The following EYA1 variants were observed in gnomAD, a reference collection of about 807,000 sequenced individuals.
The protein encoded by EYA1 is EYA transcriptional coactivator and phosphatase 1.
EYA1 carries 16 observed loss-of-function variants against 82.0 expected under a neutral mutation model. The ratio of observed to expected loss-of-function variants is 0.20; its 90% CI spans 0.13 to 0.30. The LOEUF is 0.30. Among genes scored for constraint, EYA1 ranks in the 10% least tolerant of loss-of-function variants. The pLI, the probability that EYA1 is intolerant of heterozygous loss-of-function variation, is 1.00. For missense variants in EYA1, 633 were observed against 730.7 expected, an observed-to-expected ratio of 0.87 and a Z score of 1.54; for synonymous variants, 261 against 264.4, an observed-to-expected ratio of 0.99 and a Z score of 0.12.
chr8:71,312,230 A>C (rs540829318), intron 7 of EYA1, among the ~76,000 whole-genome samples: 1 of 152,190 alleles, frequency 6.6e-6, no homozygotes, highest in Non-Finnish European at 1.5e-5. Context: ...CTTCAGAAAA[A>C]TTTAAAGACC....
At chr8:71,517,282 G>T (rs999298772) in intron 2 of EYA1, among the ~76,000 whole-genome samples, 1 of 151,786 alleles carries the variant, frequency 6.6e-6, no homozygotes, top group Non-Finnish European at 1.5e-5. Flanking sequence ...CTCCAAAAGC[G>T]CTCAGATTCA....
At chr8:71,279,186 C>T (rs1292066818) in intron 9 of EYA1, among the ~76,000 whole-genome samples, 1 of 152,172 alleles carries the variant, frequency 6.6e-6, no homozygotes, top group African/African-American at 2.4e-5. Flanking sequence ...TAATTATATT[C>T]TATTTGCCAT....
intron 4 of EYA1, among the ~76,000 whole-genome samples, chr8:71,332,539 C>T (rs147722561): frequency 1.1e-4 from 17 of 152,252 alleles, no homozygotes; most frequent in Non-Finnish European, 2.1e-4. Flanking sequence ...CCATTGCCAG[C>T]GCTTTATTTC....
chr8:71,333,195 G>A (rs2129046167), intron 4 of EYA1, among the ~76,000 whole-genome samples: 1 of 152,298 alleles, frequency 6.6e-6, no homozygotes, highest in East Asian at 1.9e-4. Context: ...AGAACAAATG[G>A]ATATTACACC....
At chr8:71,493,864 A>G (rs1235346368) in intron 2 of EYA1, among the ~76,000 whole-genome samples, 1 of 148,410 alleles carries the variant, frequency 6.7e-6, no homozygotes, top group Non-Finnish European at 1.5e-5. Context: ...TCTACTAAAA[A>G]TACAAAAAAT....
At chr8:71,520,942 G>A (rs1360484102) in intron 2 of EYA1, among the ~76,000 whole-genome samples, 2 of 151,790 alleles carry the variant, frequency 1.3e-5, no homozygotes, top group Admixed American at 6.6e-5. Flanking sequence ...ATATATTCTG[G>A]TTCCCAAAGT....
chr8:71,237,089 G>A (rs751244945), intron 12 of EYA1, among the ~76,000 whole-genome samples: 29 of 150,974 alleles, frequency 1.9e-4, no homozygotes, highest in African/African-American at 5.4e-4. Flanking sequence ...GTCTCACTCC[G>A]TCACCAGGCT....
chr8:71,199,353 A>G lies in EYA1; in HGVS notation c.1766T>C (p.Leu589Pro). 1 of 1,611,932 alleles carries G rather than the reference A, an allele frequency of 6.2e-7. No individual in the cohort carries two copies. Residue 589 changes from leucine (L) to proline (P), a missense_variant, in exon 18 of 18, where the codon CTG becomes CCG. Physicochemically the swap from Leu to Pro is moderately conservative, Grantham distance 98 (BLOSUM62 -3). Transcript: ENST00000340726. ...DLMALHHALE[L>P]EYL The stretch of plus-strand genomic sequence containing the variant: ...TGCCGAGCGCTGTTACAGGTACTCC[A>G]GTTCCAAGGCATGGTGCAGGGCCAT...
intron 2 of EYA1, among the ~76,000 whole-genome samples, chr8:71,424,687 G>A (rs886423816): frequency 1.1e-4 from 16 of 152,110 alleles, no homozygotes; most frequent in African/African-American, 3.9e-4. Flanking sequence ...TTTGGCCTCT[G>A]CACTATGGGA....
rs1586633273 is a variant in EYA1 at position 71,398,923 on chromosome 8, T to C, written c.34-42412A>G. On this transcript the variant is annotated intron_variant, in intron 2 of 18. Coordinates refer to the EYA1 transcript ENST00000643681. Reference sequence around the variant, plus strand: ...AGTCTACAGAGGTAGGCAGGCCTCCTTGAGTATGGTGGGCTCCACCCAGTT... The same window carrying C: ...AGTCTACAGAGGTAGGCAGGCCTCCCTGAGTATGGTGGGCTCCACCCAGTT... Among the ~76,000 whole-genome samples, 3 of 152,220 alleles carry C rather than the reference T, an allele frequency of 2.0e-5. No homozygotes were observed. The East Asian group carries it at 5.8e-4, about 29-fold the overall frequency.
At chr8:71,317,897 T>C (rs1484970738) in intron 6 of EYA1, among the ~76,000 whole-genome samples, 3 of 152,222 alleles carry the variant, frequency 2.0e-5, no homozygotes, top group African/African-American at 7.2e-5. Flanking sequence ...TCTATTCACA[T>C]TATTCTCTCT....
intron 3 of EYA1, among the ~76,000 whole-genome samples, chr8:71,353,735 C>T (rs1257292397): frequency 5.9e-5 from 9 of 152,152 alleles, no homozygotes; most frequent in African/African-American, 2.4e-5. Context: ...AATAATTTTA[C>T]AGCATTTAGC....
chr8:71,488,006 A>G (rs1387372621), intron 2 of EYA1, among the ~76,000 whole-genome samples: 1 of 152,228 alleles, frequency 6.6e-6, no homozygotes, highest in Non-Finnish European at 1.5e-5. Context: ...AAGAATTCCC[A>G]TAGCAATTTT....
At chr8:71,205,864 A>G (rs1807701427) in intron 17 of EYA1, among the ~76,000 whole-genome samples, 1 of 152,230 alleles carries the variant, frequency 6.6e-6, no homozygotes, top group Non-Finnish European at 1.5e-5. Context: ...TTTGAAGGAC[A>G]CAGGAAACTA....
intron 4 of EYA1, among the ~76,000 whole-genome samples, chr8:71,329,327 C>T (rs1270796414): frequency 6.6e-6 from 1 of 152,140 alleles, no homozygotes; most frequent in African/African-American, 2.4e-5. Flanking sequence ...TACTGATACT[C>T]TCAATTTTCT....
At chr8:71,511,430 C>G (rs1040136691) in intron 2 of EYA1, among the ~76,000 whole-genome samples, 3 of 152,098 alleles carry the variant, frequency 2.0e-5, no homozygotes, top group Non-Finnish European at 2.9e-5. Context: ...AACTGGCAAA[C>G]TTTTGGGGCT....
At chr8:71,352,527 T>C (rs535820575) in intron 3 of EYA1, among the ~76,000 whole-genome samples, 1 of 152,278 alleles carries the variant, frequency 6.6e-6, no homozygotes, top group South Asian at 2.1e-4. Flanking sequence ...ACCATGCTTG[T>C]AAAGTACATT....
intron 3 of EYA1, among the ~76,000 whole-genome samples, chr8:71,336,117 C>T (rs764868032): frequency 6.6e-6 from 1 of 152,136 alleles, no homozygotes; most frequent in Admixed American, 6.5e-5. Context: ...TAGGAAGTCA[C>T]CCAAAGACTC....
intron 11 of EYA1, among the ~76,000 whole-genome samples, chr8:71,254,212 C>A (rs1814102184): frequency 1.1e-5 from 1 of 92,958 alleles, no homozygotes; most frequent in African/African-American, 4.2e-5. Flanking sequence ...ACTAGATGCT[C>A]AAGGATATAC....
Sources: gnomAD v4.1 joint callset for allele counts (sites outside exome capture counted in the v4.1 genomes callset) on GRCh38, gnomAD v4.1.1 for gene constraint, MANE v1.5 for transcripts, NCBI Gene and HGNC (gene_info 2026-07-23, HGNC 2026-07-21) for gene names.